FAM168A: variants seen among roughly 807,000 people sequenced by gnomAD.
The protein encoded by FAM168A is family with sequence similarity 168 member A.
FAM168A carries 3 observed loss-of-function variants against 28.5 expected under a neutral mutation model. That is an observed-to-expected ratio of 0.11 (90% CI 0.05 to 0.27). The LOEUF (loss-of-function observed/expected upper bound fraction) is 0.27. Ranked by LOEUF, FAM168A falls within the 10% of genes least tolerant of loss-of-function variation. FAM168A has a pLI of 1.00. For missense variants in FAM168A, 222 were observed against 311.5 expected (o/e 0.71, Z 2.16); for synonymous variants, 122 against 124.2 (o/e 0.98, Z 0.12).
Position 73,409,641 on chromosome 11 carries a change from C to T in FAM168A, c.441G>A (p.Pro147=), listed in dbSNP as rs373720143. ...TGACATGAGGCTGGGCAGCATACAC[C>T]GGCTGTGTGTAGTAGGCTCCCTGGG... The part of the protein sequence containing the change: ...LYAQGAYYTQ[P]VYAAQPHVIH... Residue 147 remains proline (P), a synonymous_variant, in exon 6 of 8, where the codon CCG becomes CCA. Coordinates refer to ENST00000356467, the MANE Select transcript of FAM168A (RefSeq NM_015159.3). 23 of 1,609,808 alleles carry T rather than the reference C, an allele frequency of 1.4e-5. No individual in the cohort carries two copies. The Middle Eastern group carries it at 8.3e-4, about 58-fold the overall frequency.
At chr11:73,548,915 AGTGAACCACCACACCTG>A (rs1332379239) in intron 1 of FAM168A, among the ~76,000 whole-genome samples, 17 of 151,798 alleles carry the variant, frequency 1.1e-4, no homozygotes, top group African/African-American at 3.6e-4. Flanking sequence ...GGATTATAGG[AGTGAACCACCACACCTG>A]GCTCCATAGA....
At chr11:73,430,810 A>AAAAACAAAAC (rs533303495) in intron 2 of FAM168A, 40 bp from the exon 3 acceptor site, 1 of 1,484,016 alleles carries the variant, frequency 6.7e-7, no homozygotes, top group Middle Eastern at 1.8e-4. Flanking sequence ...GTTAGGCAAA[A>AAAAACAAAAC]AAAACAAAAC....
intron 2 of FAM168A, among the ~76,000 whole-genome samples, chr11:73,453,692 G>A (rs1867473541): frequency 6.6e-6 from 1 of 152,198 alleles, no homozygotes; most frequent in African/African-American, 2.4e-5. Flanking sequence ...ACTTATTAAA[G>A]TTTTTAGAGG....
intron 4 of FAM168A, among the ~76,000 whole-genome samples, chr11:73,419,053 G>A (rs1356227546): frequency 4.6e-5 from 7 of 152,084 alleles, no homozygotes; most frequent in Admixed American, 1.3e-4. Context: ...CTCGTGATCC[G>A]CCCACCTTGG....
chr11:73,438,036 C>G (rs1867122608), intron 2 of FAM168A, among the ~76,000 whole-genome samples: 1 of 152,032 alleles, frequency 6.6e-6, no homozygotes, highest in Non-Finnish European at 1.5e-5. Flanking sequence ...GATAATTAAG[C>G]TGACATAACA....
At chr11:73,513,454 GAT>G (rs200563543) in intron 1 of FAM168A, among the ~76,000 whole-genome samples, 4,462 of 151,428 alleles carry the variant, frequency 0.029, 212 homozygotes, top group African/African-American at 0.1. Flanking sequence ...CTGACCTTGT[GAT>G]CCACCCACCT....
At chr11:73,526,563 G>A (rs936897594) in intron 1 of FAM168A, among the ~76,000 whole-genome samples, 2 of 152,016 alleles carry the variant, frequency 1.3e-5, no homozygotes, top group African/African-American at 4.8e-5. Flanking sequence ...TCTTATAGAA[G>A]TATTATGAAG....
chr11:73,457,723 CAAAAAAAA>C (rs58142151), intron 2 of FAM168A, among the ~76,000 whole-genome samples: 3,817 of 37,256 alleles, frequency 0.1, 53 homozygotes, highest in African/African-American at 0.18. Context: ...GCCTGGGTGA[CAAAAAAAA>C]AAAAAAAAAA....
chr11:73,585,292 A>G (rs1218935010), intron 1 of FAM168A, among the ~76,000 whole-genome samples: 1 of 152,240 alleles, frequency 6.6e-6, no homozygotes, highest in African/African-American at 2.4e-5. Context: ...CAAGCACTGT[A>G]GTAAGTTCTT....
intron 1 of FAM168A, among the ~76,000 whole-genome samples, chr11:73,526,916 A>C (rs1208645370): frequency 6.6e-6 from 1 of 151,358 alleles, no homozygotes; most frequent in African/African-American, 2.4e-5. Context: ...AAACAAACTG[A>C]AACAGTTGGA....
chr11:73,534,407 A>ATT (rs58113039), intron 1 of FAM168A, among the ~76,000 whole-genome samples: 41 of 144,608 alleles, frequency 2.8e-4, no homozygotes, highest in African/African-American at 9.4e-4. Flanking sequence ...TTATTTATTT[A>ATT]TTTTTTTTTT....
chr11:73,430,526 C>G (rs1176795924), intron 3 of FAM168A, 164 bp downstream of exon 3: 1 of 646,640 alleles, frequency 1.5e-6, no homozygotes, highest in East Asian at 2.9e-5. Context: ...TACCCTGAGG[C>G]TGATTGTCCC....
At chr11:73,532,222 CTTA>C (rs1943522944) in intron 1 of FAM168A, among the ~76,000 whole-genome samples, 1 of 152,048 alleles carries the variant, frequency 6.6e-6, no homozygotes, top group South Asian at 2.1e-4. Flanking sequence ...CTCATTATAA[CTTA>C]TTATGCTGTA....
Position 73,401,928 on chromosome 11 carries a change from T to A in FAM168A, c.*4835A>T, listed in dbSNP as rs747099042. 9 of 152,196 alleles carry A rather than the reference T, an allele frequency of 5.9e-5. No homozygotes were observed. The highest frequency in any genetic ancestry group is 1.3e-4 in the Admixed American group (2 of 15,278). The allele number at this position is 152,196 out of a possible 1,614,324, so 9.4% of individuals were successfully genotyped here. ...GTCCTGGAACCATATAATGCCTAAT[T>A]TCAGAAACGAGGAGTTTTCTAGGAA... On this transcript the variant is annotated 3_prime_UTR_variant, in exon 8 of 8. Coordinates refer to ENST00000356467, the MANE Select transcript of FAM168A (RefSeq NM_015159.3).
chr11:73,415,754 C>CA (rs148629357), intron 4 of FAM168A, among the ~76,000 whole-genome samples: 1,648 of 152,226 alleles, frequency 0.011, 34 homozygotes, highest in African/African-American at 0.038. Context: ...GGGCTTGTTG[C>CA]AAAAAAGTCT....
At chr11:73,430,317 TGG>T (rs1263690974) in intron 3 of FAM168A, 1 of 274,172 alleles carries the variant, frequency 3.6e-6, no homozygotes, top group Non-Finnish European at 7.2e-6. Flanking sequence ...AAGGGGTGTG[TGG>T]GTGTGTGTGT....
rs1249000119 is a variant in FAM168A, at chr11:73,424,903, T to TG, written c.152-4905dup. 22 of 792,664 alleles carry TG rather than the reference T, an allele frequency of 2.8e-5. No homozygotes were observed. In the Middle Eastern group the frequency reaches 9.5e-4, roughly 34 times the overall value. 49.1% of individuals were successfully genotyped at this position (792,664 alleles called of 1,614,324 possible). ...CTTTAGGAACTGCTGCTGAGCCACC[T>TG]GGGGGGAGCCCAAGCCTAGGGGATG... is the stretch of plus-strand genomic sequence containing the variant. On this transcript the variant is annotated intron_variant, in intron 3 of 7. Coordinates refer to ENST00000356467, the MANE Select transcript of FAM168A (RefSeq NM_015159.3).
chr11:73,484,747 T>G (rs1041981864), intron 1 of FAM168A, among the ~76,000 whole-genome samples: 3 of 148,502 alleles, frequency 2.0e-5, no homozygotes, highest in Non-Finnish European at 4.5e-5. Context: ...TATAGATATA[T>G]AGATATATAG....
At chr11:73,572,448 G>T (rs1474235384) in intron 1 of FAM168A, among the ~76,000 whole-genome samples, 1 of 152,020 alleles carries the variant, frequency 6.6e-6, no homozygotes. Context: ...GGAAAGGTGG[G>T]GAAAAGATTG....
Sources: gnomAD v4.1 joint callset for allele counts (sites outside exome capture counted in the v4.1 genomes callset) on GRCh38, gnomAD v4.1.1 for gene constraint, MANE v1.5 for transcripts, NCBI Gene and HGNC (gene_info 2026-07-23, HGNC 2026-07-21) for gene names.